Variants in C8A observed in about 807,000 individuals in gnomAD.
The protein encoded by C8A is complement component C8 alpha chain.
C8A carries 67 observed loss-of-function variants against 65.3 expected under a neutral mutation model. That is an observed-to-expected ratio of 1.03 (90% CI 0.84 to 1.26). The LOEUF (loss-of-function observed/expected upper bound fraction) is 1.26. C8A is among the 50% of genes most tolerant of loss of function. C8A has a pLI of 0.00. For missense variants in C8A, 781 were observed against 723.9 expected (o/e 1.08, Z -0.90); for synonymous variants, 290 against 259.4 (o/e 1.12, Z -1.13).
At chr1:56,864,441 A>G (rs2101193945) in intron 1 of C8A, among the ~76,000 whole-genome samples, 1 of 152,290 alleles carries the variant, frequency 6.6e-6, no homozygotes, top group East Asian at 1.9e-4. Context: ...TGGAGATCCC[A>G]ATGAGGTTCA....
intron 1 of C8A, among the ~76,000 whole-genome samples, chr1:56,866,803 G>A (rs1313237774): frequency 6.6e-6 from 1 of 152,204 alleles, no homozygotes; most frequent in East Asian, 1.9e-4. Context: ...TAATTGGTGA[G>A]GGGGAAGTAT....
At chr1:56,879,891 G>A (rs1373567040) in intron 4 of C8A, among the ~76,000 whole-genome samples, 1 of 152,090 alleles carries the variant, frequency 6.6e-6, no homozygotes. Context: ...TTTATCCCCT[G>A]CTCCTTTCCT....
At chr1:56,902,289 C>T (rs1644432725) in intron 7 of C8A, among the ~76,000 whole-genome samples, 1 of 152,204 alleles carries the variant, frequency 6.6e-6, no homozygotes, top group South Asian at 2.1e-4. Flanking sequence ...CTTGCCCTTG[C>T]AACCACACAA....
intron 9 of C8A, among the ~76,000 whole-genome samples, chr1:56,910,905 T>TTGGCAAATCA (rs1449534372): frequency 6.6e-6 from 1 of 152,222 alleles, no homozygotes; most frequent in Non-Finnish European, 1.5e-5. Context: ...GCTGACTTGC[T>TTGGCAAATCA]CTGTGACCTT....
chr1:56,860,218 G>A (rs1644019365), intron 1 of C8A, among the ~76,000 whole-genome samples: 1 of 152,210 alleles, frequency 6.6e-6, no homozygotes, highest in East Asian at 1.9e-4. Flanking sequence ...GCGGTAGTGA[G>A]AAGCCGGGTG....
intron 1 of C8A, among the ~76,000 whole-genome samples, chr1:56,862,449 C>T (rs622299): frequency 0.52 from 79,090 of 151,954 alleles, 21,896 homozygotes; most frequent in East Asian, 0.9. Context: ...TCTGAACCTT[C>T]AATATGTTAT....
rs540308619 is a variant in C8A at position 56,877,945 on chromosome 1, C to A, written c.464+1736C>A. 8.2e-4 allele frequency among the ~76,000 whole-genome samples: 125 copies of A among 152,220 alleles called. 1 individual carries two copies. The highest frequency in any genetic ancestry group is 2.9e-3 in the African/African-American group (122 of 41,532). On this transcript the variant is annotated intron_variant, in intron 4 of 10. Transcript: ENST00000361249. ...AAAATTCTGTTTTCTTTCATACCAG[C>A]AGTATTAGTTTGCTGGGATTGCCAT...
chr1:56,912,546 C>T lies in C8A; in HGVS notation c.1524C>T (p.Pro508=), dbSNP rs750037540. Residue 508 remains proline (P), a synonymous_variant, in exon 10 of 11, where the codon CCC becomes CCT. Coordinates refer to ENST00000361249, the MANE Select transcript of C8A (RefSeq NM_000562.3). ...RCGPCFNNGV[P]ILEGTSCRCQ... is the part of the protein sequence containing the mutation. ...GGCCTTGCTTCAACAATGGGGTGCC[C>T]ATCCTCGAGGGCACCAGCTGCAGGT... is the stretch of plus-strand genomic sequence containing the variant. 6.2e-7 allele frequency: 1 copy of T among 1,614,208 alleles called. No individual in the cohort carries two copies. Among genetic ancestry groups the T allele is most frequent in the Non-Finnish European group, 8.5e-7 (1 of 1,180,030 alleles).
At chr1:56,904,363 A>T (rs1644448416) in intron 7 of C8A, among the ~76,000 whole-genome samples, 1 of 152,164 alleles carries the variant, frequency 6.6e-6, no homozygotes, top group Non-Finnish European at 1.5e-5. Flanking sequence ...CGGGATACAG[A>T]TTGGTCTTCA....
At chr1:56,914,374 C>A (rs189263399) in intron 10 of C8A, among the ~76,000 whole-genome samples, 8 of 152,160 alleles carry the variant, frequency 5.3e-5, no homozygotes, top group Admixed American at 5.2e-4. Flanking sequence ...AAGACAGCCT[C>A]AAGGTCCTTC....
chr1:56,911,928 A>G (rs1621741), intron 9 of C8A, among the ~76,000 whole-genome samples: 5,679 of 152,296 alleles, frequency 0.037, 198 homozygotes, highest in South Asian at 0.11. Flanking sequence ...TGGCACAAAT[A>G]ACTTCTAAGC....
At chr1:56,906,588 A>T in intron 7 of C8A, 79 bp from the exon 8 acceptor site, 14 of 1,561,370 alleles carry the variant, frequency 9.0e-6, no homozygotes, top group Non-Finnish European at 1.1e-5. Context: ...GCTAGCTTTT[A>T]CTACTCTGAC....
chr1:56,861,526 T>A (rs113719307), intron 1 of C8A, among the ~76,000 whole-genome samples: 2,319 of 152,024 alleles, frequency 0.015, 48 homozygotes, highest in East Asian at 0.077. Flanking sequence ...CCCAAACACC[T>A]CCCACCAGGC....
chr1:56,859,224 A>G (rs77725725), intron 1 of C8A, among the ~76,000 whole-genome samples: 8,392 of 152,310 alleles, frequency 0.055, 261 homozygotes, highest in South Asian at 0.13. Flanking sequence ...TAAAATGGGA[A>G]TAGTACTTCC....
chr1:56,883,584 G>T lies in C8A; in HGVS notation c.758G>T (p.Gly253Val). The T allele has an allele frequency of 6.2e-7, 1 of 1,613,886 alleles. No homozygotes were observed. ...TCTGACTCATTTGGAGTGACCATCG[G>T]CATAGGCCCAGCCGGCAGCCCTTTA... The part of the protein sequence containing the change: ...DKSDSFGVTI[G>V]IGPAGSPLLV... The change falls in exon 6 of 11, where the codon GGC (glycine) becomes GTC (valine). Residue 253 changes from glycine (G) to valine (V), a missense_variant. Physicochemically the swap from Gly to Val is moderately radical, Grantham distance 109. Coordinates refer to ENST00000361249, the MANE Select transcript of C8A (RefSeq NM_000562.3).
At chr1:56,911,163 ACTT>A (rs778300297) in intron 9 of C8A, among the ~76,000 whole-genome samples, 5 of 150,684 alleles carry the variant, frequency 3.3e-5, no homozygotes, top group Admixed American at 2.7e-4. Context: ...CACATTCAGT[ACTT>A]CTTTAGATCC....
chr1:56,881,316 G>C (rs1644245269), intron 4 of C8A, 129 bp from the exon 5 acceptor site: 3 of 912,546 alleles, frequency 3.3e-6, no homozygotes, highest in Non-Finnish European at 5.3e-6. Flanking sequence ...AGGGGTACAT[G>C]CGCAGGATGT....
intron 4 of C8A, among the ~76,000 whole-genome samples, chr1:56,878,228 A>C (rs1644216673): frequency 6.6e-6 from 1 of 152,074 alleles, no homozygotes; most frequent in African/African-American, 2.4e-5. Flanking sequence ...TTGCAGCTTA[A>C]TTACCCCATT....
chr1:56,891,844 G>C (rs7550605), intron 7 of C8A, among the ~76,000 whole-genome samples: 1 of 152,238 alleles, frequency 6.6e-6, no homozygotes, highest in South Asian at 2.1e-4. Flanking sequence ...TGGGGGCAAA[G>C]AAGGGACTCT....
Sources: allele counts gnomAD v4.1 joint callset (sites outside exome capture counted in the v4.1 genomes callset), GRCh38; gene constraint gnomAD v4.1.1; transcripts MANE v1.5; gene names NCBI Gene and HGNC (gene_info 2026-07-23, HGNC 2026-07-21).